Variants in FRMPD4 observed in about 807,000 individuals in gnomAD.
FRMPD4 encodes the protein FERM and PDZ domain-containing protein 4.
FRMPD4 carries 22 observed loss-of-function variants against 94.1 expected under a neutral mutation model. The ratio of observed to expected loss-of-function variants is 0.23; its 90% CI spans 0.17 to 0.33. The LOEUF (loss-of-function observed/expected upper bound fraction) is 0.33. FRMPD4 is among the 10% of genes least tolerant of loss of function. FRMPD4 has a pLI of 1.00. For synonymous variants in FRMPD4, 631 were observed against 548.6 expected (o/e 1.15, Z -2.10); for missense variants, 1,111 against 1,339.9 (o/e 0.83, Z 2.67).
intron 1 of FRMPD4, among the ~76,000 whole-genome samples, chrX:12,161,135 G>A (rs1036694907): frequency 3.7e-5 from 4 of 106,694 alleles, no homozygotes; most frequent in African/African-American, 1.4e-4. Context: ...TACCTCAACT[G>A]TATTAAGGGC....
intron 1 of FRMPD4, among the ~76,000 whole-genome samples, chrX:12,393,143 GCTT>G (rs1156815604): frequency 1.3e-4 from 15 of 111,850 alleles, no homozygotes; most frequent in African/African-American, 4.5e-4. Context: ...TGATTTCTCC[GCTT>G]CTTAAGAATA....
intron 2 of FRMPD4, among the ~76,000 whole-genome samples, chrX:12,511,321 C>T (rs2058040081): frequency 8.9e-6 from 1 of 111,846 alleles, no homozygotes; most frequent in Non-Finnish European, 1.9e-5. Flanking sequence ...AATTCTCCCT[C>T]ACAAAGAATG....
intron 1 of FRMPD4, among the ~76,000 whole-genome samples, chrX:11,832,031 G>C (rs1220406211): frequency 9.0e-6 from 1 of 111,530 alleles, no homozygotes; most frequent in Admixed American, 9.5e-5. Context: ...GGCTCAGCTT[G>C]CCCATAGCCC....
chrX:12,467,624 AATT>A (rs2057462984), intron 1 of FRMPD4, among the ~76,000 whole-genome samples: 1 of 112,379 alleles, frequency 8.9e-6, no homozygotes, highest in African/African-American at 3.2e-5. Flanking sequence ...CATCAGGAAA[AATT>A]ATCCATTTTA....
chrX:11,889,612 A>G (rs1194092301), intron 3 of FRMPD4, among the ~76,000 whole-genome samples: 1 of 112,519 alleles, frequency 8.9e-6, no homozygotes, highest in Non-Finnish European at 1.9e-5. Context: ...ATAACAAACC[A>G]TCCTAAGACA....
intron 1 of FRMPD4, among the ~76,000 whole-genome samples, chrX:12,493,125 A>G (rs1318405190): frequency 1.8e-5 from 2 of 111,186 alleles, no homozygotes; most frequent in Admixed American, 9.6e-5. Context: ...ATCCAGAACC[A>G]TCTATTATCA....
intron 4 of FRMPD4, among the ~76,000 whole-genome samples, chrX:12,645,347 C>CTTTTTTTTTTTTTTTTTTTTTTTTTT (rs138817056): frequency 1.8e-5 from 1 of 55,642 alleles, no homozygotes; most frequent in African/African-American, 8.6e-5. Context: ...CACTCTCACT[C>CTTTTTTTTTTTTTTTTTTTTTTTTTT]TTTTTTTTTT....
At chrX:12,074,744 A>G (rs746051020) in intron 3 of FRMPD4, among the ~76,000 whole-genome samples, 1 of 112,752 alleles carries the variant, frequency 8.9e-6, no homozygotes, top group African/African-American at 3.2e-5. Flanking sequence ...TTCTCCAGTG[A>G]CAAGAGATGG....
chrX:12,079,961 G>A (rs1211456441), intron 3 of FRMPD4, among the ~76,000 whole-genome samples: 2 of 112,498 alleles, frequency 1.8e-5, no homozygotes, highest in Non-Finnish European at 3.8e-5. Flanking sequence ...GTGCCATTTG[G>A]ATCATTAACA....
intron 1 of FRMPD4, among the ~76,000 whole-genome samples, chrX:12,411,449 A>T (rs2056731325): frequency 8.9e-6 from 1 of 112,154 alleles, no homozygotes; most frequent in Non-Finnish European, 1.9e-5. Flanking sequence ...AATCTTTTGG[A>T]AGACAATTTA....
At chrX:12,276,445 A>C (rs1457747421) in intron 1 of FRMPD4, among the ~76,000 whole-genome samples, 1 of 112,200 alleles carries the variant, frequency 8.9e-6, no homozygotes, top group African/African-American at 3.2e-5. Context: ...GGGGGCTTCC[A>C]GGTTATATGT....
At chrX:12,434,423 C>A (rs1311562274) in intron 1 of FRMPD4, among the ~76,000 whole-genome samples, 1 of 112,086 alleles carries the variant, frequency 8.9e-6, no homozygotes, top group Non-Finnish European at 1.9e-5. Flanking sequence ...GTGTAGGCAT[C>A]ATCCTCACTC....
intron 3 of FRMPD4, among the ~76,000 whole-genome samples, chrX:12,009,975 G>A (rs1302961262): frequency 1.8e-5 from 2 of 111,586 alleles, no homozygotes; most frequent in Non-Finnish European, 3.8e-5. Flanking sequence ...AGTAAACATG[G>A]CTTATCTGGG....
At chrX:11,987,220 T>G (rs184964701) in intron 3 of FRMPD4, among the ~76,000 whole-genome samples, 1 of 108,168 alleles carries the variant, frequency 9.2e-6, no homozygotes, top group Non-Finnish European at 1.9e-5. Context: ...TAAAAAATCA[T>G]TCATCATCAG....
intron 2 of FRMPD4, among the ~76,000 whole-genome samples, chrX:11,871,149 A>G (rs1757050404): frequency 8.9e-6 from 1 of 112,685 alleles, no homozygotes; most frequent in Admixed American, 9.3e-5. Context: ...TATGAGTTGA[A>G]GAAAGATACC....
intron 3 of FRMPD4, among the ~76,000 whole-genome samples, chrX:12,057,842 A>T (rs1457894943): frequency 8.9e-6 from 1 of 112,100 alleles, no homozygotes; most frequent in East Asian, 2.8e-4. Flanking sequence ...ATTATATAGA[A>T]CACAATTCTC....
intron 14 of FRMPD4, 63 bp from the exon 15 acceptor site, chrX:12,716,006 C>G: frequency 4.6e-6 from 1 of 215,303 alleles, no homozygotes; most frequent in East Asian, 9.0e-5. Context: ...GAGCCTCCCA[C>G]CCCCGCCCCA....
chrX:12,183,394 T>G (rs1343485015), intron 1 of FRMPD4, among the ~76,000 whole-genome samples: 1 of 112,052 alleles, frequency 8.9e-6, no homozygotes, highest in Non-Finnish European at 1.9e-5. Context: ...CCTCCACAAA[T>G]CCACAAAGCA....
chrX:12,633,777 T>C (rs1014254853), intron 4 of FRMPD4, among the ~76,000 whole-genome samples: 12 of 112,348 alleles, frequency 1.1e-4, no homozygotes, highest in Non-Finnish European at 1.9e-4. Flanking sequence ...ATCAGACTTA[T>C]TCCAATAAGA....
Sources: gnomAD v4.1 joint callset for allele counts (sites outside exome capture counted in the v4.1 genomes callset) on GRCh38, gnomAD v4.1.1 for gene constraint, MANE v1.5 for transcripts, NCBI Gene and HGNC (gene_info 2026-07-23, HGNC 2026-07-21) for gene names.